ZNF423: variants seen among roughly 807,000 people sequenced by gnomAD.
The protein encoded by ZNF423 is Ebf-associated zinc finger protein.
Under a neutral mutation model 95.8 loss-of-function variants are expected in ZNF423, and 12 were observed. The observed-to-expected ratio is 0.13, with a 90% CI of 0.08 to 0.20. ZNF423 has a LOEUF of 0.20. Ranked by LOEUF, ZNF423 falls within the 10% of genes least tolerant of loss-of-function variation. The pLI is 1.00. For synonymous variants in ZNF423, 749 were observed against 711.9 expected, an observed-to-expected ratio of 1.05 and a Z score of -0.83; for missense variants, 1,316 against 1,737.1, an observed-to-expected ratio of 0.76 and a Z score of 4.31.
At chr16:49,811,995 C>T (rs2034761435) in intron 1 of ZNF423, among the ~76,000 whole-genome samples, 1 of 152,258 alleles carries the variant, frequency 6.6e-6, no homozygotes, top group African/African-American at 2.4e-5. Context: ...CTTCCTCCTG[C>T]CCCTAGGCCT....
intron 2 of ZNF423, among the ~76,000 whole-genome samples, chr16:49,743,315 G>A (rs780616408): frequency 1.3e-5 from 2 of 152,130 alleles, no homozygotes; most frequent in Non-Finnish European, 2.9e-5. Flanking sequence ...CTGGGAGCTC[G>A]CTGGGCACCT....
intron 2 of ZNF423, among the ~76,000 whole-genome samples, chr16:49,761,024 A>G (rs2143639836): frequency 6.8e-6 from 1 of 146,588 alleles, no homozygotes; most frequent in Admixed American, 6.9e-5. Flanking sequence ...ACACATGCAC[A>G]CGTACACACA....
In ZNF423 at chr16:49,840,741, TCACA is replaced by T. The variant is rs201104808; in HGVS notation, c.40+14990_40+14993del. ...CATGCACACACTAGTACACACAGACTCACACACATGCACACACATACCCAACAGG... is the reference window on the plus strand; with the variant it reads ...CATGCACACACTAGTACACACAGACTCACATGCACACACATACCCAACAGG... On this transcript the variant is annotated intron_variant, in intron 1 of 7. Coordinates refer to ENST00000563137, the MANE Select transcript of ZNF423 (RefSeq NM_001379286.1). Among the ~76,000 whole-genome samples, 1,354 of 151,848 alleles carry T rather than the reference TCACA, an allele frequency of 8.9e-3. 30 individuals are homozygous for T. Among genetic ancestry groups the T allele is most frequent in the African/African-American group, 0.03 (1,246 of 41,400 alleles).
intron 2 of ZNF423, chr16:49,731,189 AG>A: frequency 1.9e-6 from 1 of 536,026 alleles, no homozygotes; most frequent in Non-Finnish European, 2.4e-6. Context: ...CAAATCTTCT[AG>A]GGGGATTTCC....
intron 5 of ZNF423, among the ~76,000 whole-genome samples, chr16:49,577,136 G>A (rs1055976090): frequency 6.6e-6 from 1 of 152,212 alleles, no homozygotes; most frequent in South Asian, 2.1e-4. Flanking sequence ...GGTCAGGCCA[G>A]CTGGCGTGGG....
chr16:49,704,700 AG>A (rs2032297202), intron 3 of ZNF423, among the ~76,000 whole-genome samples: 1 of 152,198 alleles, frequency 6.6e-6, no homozygotes, highest in Admixed American at 6.5e-5. Context: ...TCACACACAG[AG>A]GACAGAATTC....
chr16:49,811,739 GC>G (rs1233369235), intron 1 of ZNF423, among the ~76,000 whole-genome samples: 1 of 152,056 alleles, frequency 6.6e-6, no homozygotes, highest in Non-Finnish European at 1.5e-5. Context: ...CAGGACTACA[GC>G]TGGCCTCCTA....
At chr16:49,785,636 C>T (rs1287946261) in intron 2 of ZNF423, among the ~76,000 whole-genome samples, 1 of 152,178 alleles carries the variant, frequency 6.6e-6, no homozygotes, top group Non-Finnish European at 1.5e-5. Flanking sequence ...CAACTCTGGA[C>T]CCAGCCAGAA....
intron 3 of ZNF423, among the ~76,000 whole-genome samples, chr16:49,685,020 G>A (rs1296905983): frequency 1.3e-5 from 2 of 152,192 alleles, no homozygotes; most frequent in African/African-American, 4.8e-5. Context: ...GGCCCAGCCA[G>A]GCCAGCCAAG....
chr16:49,521,427 G>A (rs1382663258), intron 7 of ZNF423, among the ~76,000 whole-genome samples: 1 of 152,222 alleles, frequency 6.6e-6, no homozygotes, highest in Non-Finnish European at 1.5e-5. Flanking sequence ...GGATAAGGCG[G>A]CTGCATGGAC....
chr16:49,578,288 C>G (rs2151797769), intron 5 of ZNF423, among the ~76,000 whole-genome samples: 1 of 152,348 alleles, frequency 6.6e-6, no homozygotes, highest in Admixed American at 6.5e-5. Context: ...GCAGCTGGAA[C>G]AAGGCATCCC....
In ZNF423 at chr16:49,855,509, C is replaced by A. The variant is rs963986414; in HGVS notation, c.40+226G>T. On this transcript the variant is annotated intron_variant, in intron 1 of 7. Coordinates refer to ENST00000563137, the MANE Select transcript of ZNF423 (RefSeq NM_001379286.1). The surrounding 1 kb of genome is among the most constrained non-coding windows in gnomAD (Gnocchi z 4.7). Reference sequence around the variant, plus strand: ...CAGGGAGGGTGTCCGCGGCGTACCCCCTCCGCCGCCGCCGCCGCCGCCGCC... The same window carrying A: ...CAGGGAGGGTGTCCGCGGCGTACCCACTCCGCCGCCGCCGCCGCCGCCGCC... Among the ~76,000 whole-genome samples the A allele has an allele frequency of 9.5e-6, 1 of 105,650 alleles. No individual in the cohort carries two copies. Among genetic ancestry groups the A allele is most frequent in the Admixed American group, 8.8e-5 (1 of 11,384 alleles). The allele number at this position is 105,650 out of a possible 152,430, so 69.3% of individuals were successfully genotyped here.
chr16:49,530,783 G>A (rs12935162), intron 5 of ZNF423, among the ~76,000 whole-genome samples: 33,246 of 152,028 alleles, frequency 0.22, 4,325 homozygotes, highest in African/African-American at 0.35. Flanking sequence ...GAAGAGGAAG[G>A]GACGCTTAGA....
chr16:49,498,860 A>G (rs558820243), intron 7 of ZNF423, among the ~76,000 whole-genome samples: 35 of 152,322 alleles, frequency 2.3e-4, no homozygotes, highest in Admixed American at 7.2e-4. Context: ...TTAAAGGCTC[A>G]TATGTTCGCT....
At chr16:49,616,808 T>A (rs1272114553) in intron 5 of ZNF423, among the ~76,000 whole-genome samples, 7 of 152,184 alleles carry the variant, frequency 4.6e-5, no homozygotes, top group African/African-American at 9.7e-5. Context: ...TGATAAGCAC[T>A]GACATCTGGT....
intron 1 of ZNF423, among the ~76,000 whole-genome samples, chr16:49,802,524 A>AC (rs1337340769): frequency 6.6e-6 from 1 of 152,188 alleles, no homozygotes; most frequent in Non-Finnish European, 1.5e-5. Flanking sequence ...CAAACAGGAC[A>AC]CTGCTGAGCA....
At chr16:49,645,590 T>C (rs984757315) in intron 3 of ZNF423, among the ~76,000 whole-genome samples, 56 of 152,160 alleles carry the variant, frequency 3.7e-4, no homozygotes, top group African/African-American at 1.3e-3. Flanking sequence ...TCCATTCTCT[T>C]TGAGAGATGA....
At chr16:49,549,758 T>C (rs1969570488) in intron 5 of ZNF423, among the ~76,000 whole-genome samples, 1 of 152,236 alleles carries the variant, frequency 6.6e-6, no homozygotes, top group Non-Finnish European at 1.5e-5. Context: ...CACAGAGAGA[T>C]TATGTAACTT....
intron 5 of ZNF423, among the ~76,000 whole-genome samples, chr16:49,557,015 T>C (rs1225974131): frequency 6.6e-6 from 1 of 152,226 alleles, no homozygotes; most frequent in Non-Finnish European, 1.5e-5. Flanking sequence ...CTGACTGTTT[T>C]CAGCTGCTCC....
Sources: gnomAD v4.1 joint callset for allele counts (sites outside exome capture counted in the v4.1 genomes callset) on GRCh38, gnomAD v4.1.1 for gene constraint, Gnocchi (gnomAD v3.1) non-coding constraint, MANE v1.5 for transcripts, NCBI Gene and HGNC (gene_info 2026-07-23, HGNC 2026-07-21) for gene names.